UBE2G1: variants seen among roughly 807,000 people sequenced by gnomAD.
UBE2G1 encodes ubiquitin-conjugating enzyme E2 G1.
A neutral mutation model predicts 22.7 loss-of-function variants in UBE2G1; 5 were observed. That is an observed-to-expected ratio of 0.22 (90% CI 0.12 to 0.46). The LOEUF is 0.46. Among genes scored for constraint, UBE2G1 ranks in the 20% least tolerant of loss-of-function variants. UBE2G1 has a pLI of 0.99. For missense variants in UBE2G1, 88 were observed against 203.9 expected (o/e 0.43, Z 3.46); for synonymous variants, 74 against 67.5 (o/e 1.10, Z -0.47).
chr17:4,284,733 T>C (rs73328741), intron 4 of UBE2G1, among the ~76,000 whole-genome samples: 208 of 152,218 alleles, frequency 1.4e-3, no homozygotes, highest in African/African-American at 4.9e-3. Flanking sequence ...TTTAGTAGCT[T>C]TGTCATCCAA....
intron 4 of UBE2G1, among the ~76,000 whole-genome samples, chr17:4,284,838 CTTTTTTT>C (rs1176508350): frequency 4.5e-5 from 1 of 22,318 alleles, no homozygotes; most frequent in African/African-American, 9.3e-5. Context: ...TCTTTTCTTT[CTTTTTTT>C]TTTTTTTTTT....
chr17:4,353,613 A>C (rs1325957205), intron 1 of UBE2G1, among the ~76,000 whole-genome samples: 1 of 151,354 alleles, frequency 6.6e-6, no homozygotes, highest in East Asian at 2.0e-4. Flanking sequence ...CCTGGGTTCA[A>C]GCGATTCTCT....
chr17:4,288,370 GCGCCCGCCACCA>G (rs1968995098), intron 4 of UBE2G1, among the ~76,000 whole-genome samples: 1 of 152,056 alleles, frequency 6.6e-6, no homozygotes, highest in Non-Finnish European at 1.5e-5. Flanking sequence ...GGGACTATAG[GCGCCCGCCACCA>G]CGCCCGGCTA....
chr17:4,348,552 CA>C (rs777127524), intron 1 of UBE2G1, among the ~76,000 whole-genome samples: 2,899 of 64,234 alleles, frequency 0.045, 54 homozygotes, highest in Middle Eastern at 0.12. Flanking sequence ...GACTCCGTCT[CA>C]AAAAAAAAAA....
chr17:4,305,138 A>G (rs1969234502), intron 2 of UBE2G1, among the ~76,000 whole-genome samples: 1 of 152,026 alleles, frequency 6.6e-6, no homozygotes, highest in African/African-American at 2.4e-5. Context: ...TATTTTTAGT[A>G]GAGACAGGGT....
intron 2 of UBE2G1, among the ~76,000 whole-genome samples, chr17:4,303,974 T>G (rs1385802079): frequency 6.6e-6 from 1 of 152,126 alleles, no homozygotes; most frequent in Non-Finnish European, 1.5e-5. Context: ...CATTAATAAT[T>G]TATAAAATGT....
In UBE2G1 at chr17:4,335,468, C is replaced by G. The variant is rs995990126; in HGVS notation, c.47-28345G>C. On this transcript the variant is annotated intron_variant, in intron 1 of 5. Transcript: ENST00000396981. ...AATTCTGTAACCAGCCAAAACATCA[C>G]GTTGCTTGTGAAAGCCACTAACAGA... 3 of 152,264 alleles carry G rather than the reference C, an allele frequency of 2.0e-5. No individual in the cohort carries two copies. The South Asian group carries it at 6.2e-4, about 32-fold the overall frequency. The allele number at this position is 152,264 out of a possible 1,614,324, so 9.4% of individuals were successfully genotyped here. A position where few individuals can be genotyped will look rare whatever the true frequency, so the allele number is the denominator to read the frequency against.
chr17:4,328,869 G>C (rs562356810), intron 1 of UBE2G1, among the ~76,000 whole-genome samples: 2 of 152,224 alleles, frequency 1.3e-5, no homozygotes, highest in South Asian at 4.1e-4. Flanking sequence ...GGCAGATCAC[G>C]AGGTCAGGAG....
chr17:4,282,856 G>C lies in UBE2G1; in HGVS notation c.492C>G (p.Ser164Arg). Residue 164 changes from serine to arginine, a missense_variant, in exon 5 of 6, where the codon AGC (serine) becomes AGG (arginine). Ser to Arg is a moderately radical substitution (Grantham distance 110, BLOSUM62 -1). Coordinates refer to ENST00000396981, the MANE Select transcript of UBE2G1 (RefSeq NM_003342.5). ...AATGTCACTCAAAAGCAGTCTCTTG[G>C]CTTTTTCTTACACAGCGGGCAACTT... ...KRKVARCVRKSQETAFE is the reference protein window; with the variant it reads ...KRKVARCVRKRQETAFE 6.2e-7 allele frequency: 1 copy of C among 1,612,686 alleles called. No individual in the cohort carries two copies. Among genetic ancestry groups the C allele is most frequent in the Non-Finnish European group, 8.5e-7 (1 of 1,179,404 alleles).
chr17:4,344,613 C>T (rs181633626), intron 1 of UBE2G1, among the ~76,000 whole-genome samples: 3 of 151,652 alleles, frequency 2.0e-5, no homozygotes. Context: ...ACCTGTAATC[C>T]TAGCACTTTG....
In UBE2G1 at chr17:4,280,789, G is replaced by A. The variant is rs970460234; in HGVS notation, c.*37+2009C>T. The stretch of plus-strand genomic sequence containing the variant: ...ACTGGGACAACAGGCGCACGCCACT[G>A]TGCCTGGCTAATTTTTTATATTTTT... On this transcript the variant is annotated intron_variant, in intron 5 of 5. Coordinates refer to ENST00000396981, the MANE Select transcript of UBE2G1 (RefSeq NM_003342.5). Among the ~76,000 whole-genome samples, 4 of 151,812 alleles carry A rather than the reference G, an allele frequency of 2.6e-5. No individual in the cohort carries two copies. The South Asian group carries it at 8.3e-4, about 32-fold the overall frequency.
intron 1 of UBE2G1, among the ~76,000 whole-genome samples, chr17:4,348,664 C>T (rs991094357): frequency 6.6e-5 from 10 of 151,544 alleles, no homozygotes; most frequent in African/African-American, 2.4e-4. Flanking sequence ...CAGTTCAAGA[C>T]CAGCCTGGCC....
chr17:4,333,092 C>T (rs1452942077), intron 1 of UBE2G1, among the ~76,000 whole-genome samples: 2 of 152,134 alleles, frequency 1.3e-5, no homozygotes, highest in Non-Finnish European at 2.9e-5. Context: ...TAGGAAAAAG[C>T]CATGTTATTG....
chr17:4,312,234 A>G (rs1969318393), intron 1 of UBE2G1, among the ~76,000 whole-genome samples: 1 of 151,988 alleles, frequency 6.6e-6, no homozygotes, highest in East Asian at 1.9e-4. Flanking sequence ...CTCCGACTCA[A>G]AAAAAAGAAA....
At chr17:4,305,533 G>A (rs1969239709) in intron 2 of UBE2G1, among the ~76,000 whole-genome samples, 1 of 152,122 alleles carries the variant, frequency 6.6e-6, no homozygotes, top group African/African-American at 2.4e-5. Flanking sequence ...GTACACCAAA[G>A]ACCAGAGACG....
chr17:4,277,004 C>T (rs1187660731), intron 5 of UBE2G1, among the ~76,000 whole-genome samples: 1 of 152,228 alleles, frequency 6.6e-6, no homozygotes, highest in Non-Finnish European at 1.5e-5. Context: ...TACAGGGGAA[C>T]TCAGCTGTGC....
chr17:4,330,067 A>G (rs1326020036), intron 1 of UBE2G1, among the ~76,000 whole-genome samples: 2 of 152,060 alleles, frequency 1.3e-5, no homozygotes, highest in Non-Finnish European at 2.9e-5. Flanking sequence ...TTTTACACGT[A>G]TGACGTAAAA....
intron 1 of UBE2G1, among the ~76,000 whole-genome samples, chr17:4,338,998 A>C (rs1032972812): frequency 1.3e-5 from 2 of 152,210 alleles, no homozygotes; most frequent in Admixed American, 1.3e-4. Flanking sequence ...GTTCTCAGTC[A>C]GTCACAATAC....
At chr17:4,287,002 G>A (rs1223813805) in intron 4 of UBE2G1, among the ~76,000 whole-genome samples, 1 of 151,950 alleles carries the variant, frequency 6.6e-6, no homozygotes, top group Non-Finnish European at 1.5e-5. Context: ...AGTGAGGTGA[G>A]ATCACGCCAC....
Sources: gnomAD v4.1 joint callset for allele counts (sites outside exome capture counted in the v4.1 genomes callset) on GRCh38, gnomAD v4.1.1 for gene constraint, MANE v1.5 for transcripts, NCBI Gene and HGNC (gene_info 2026-07-23, HGNC 2026-07-21) for gene names.